Variants in EXOC4 observed in about 807,000 individuals in gnomAD.
The protein encoded by EXOC4 is exocyst complex component 4, also known as SEC8-like 1.
Under a neutral mutation model 107.2 loss-of-function variants are expected in EXOC4, and 71 were observed. The observed-to-expected ratio is 0.66, with a 90% CI of 0.55 to 0.81. The LOEUF (loss-of-function observed/expected upper bound fraction) is 0.81, where lower values mean the gene tolerates loss of function less well. Ranked by LOEUF, EXOC4 falls within the 30% of genes least tolerant of loss-of-function variation. The pLI is 0.00. For missense variants in EXOC4, 1,108 were observed against 1,189.6 expected (o/e 0.93, Z 1.01); for synonymous variants, 456 against 441.2 (o/e 1.03, Z -0.42).
downstream of EXOC4, among the ~76,000 whole-genome samples, chr7:134,069,918 A>G (rs1394825981): frequency 1.3e-5 from 2 of 152,192 alleles, no homozygotes; most frequent in African/African-American, 2.4e-5. Context: ...ACAGTAACCA[A>G]TGAGAGAGAC....
At chr7:133,712,410 G>A (rs1461167084) in intron 10 of EXOC4, among the ~76,000 whole-genome samples, 3 of 114,794 alleles carry the variant, frequency 2.6e-5, no homozygotes, top group African/African-American at 3.4e-5. Flanking sequence ...TTGCACTCCA[G>A]CCTGGGCAAC....
Position 134,056,318 on chromosome 7 carries a change from A to G in EXOC4, c.2688-7973A>G, listed in dbSNP as rs1032592991. Among the ~76,000 whole-genome samples, 14 of 152,348 alleles carry G rather than the reference A, an allele frequency of 9.2e-5. No individual in the cohort carries two copies. In the East Asian group the frequency reaches 2.7e-3, roughly 29 times the overall value. ...GACTCACCTTTTGATAATCAAAAGA[A>G]CATTTACAGAAGTATGAGACAAACA... On this transcript the variant is annotated intron_variant, in intron 17 of 17. Coordinates refer to ENST00000253861, the MANE Select transcript of EXOC4 (RefSeq NM_021807.4).
chr7:133,422,350 C>T (rs1294533254), intron 7 of EXOC4, among the ~76,000 whole-genome samples: 1 of 152,150 alleles, frequency 6.6e-6, no homozygotes, highest in Admixed American at 6.5e-5. Flanking sequence ...TGGGTGATTT[C>T]CATGTTTAAG....
chr7:134,069,614 C>G (rs1238899661), downstream of EXOC4, among the ~76,000 whole-genome samples: 8 of 152,182 alleles, frequency 5.3e-5, no homozygotes, highest in Admixed American at 3.9e-4. Context: ...TCTCACACCT[C>G]TGCCTCTCAA....
chr7:134,041,681 A>G lies in EXOC4; in HGVS notation c.2688-22610A>G, dbSNP rs534659575. On this transcript the variant is annotated intron_variant, in intron 17 of 17. Coordinates refer to ENST00000253861, the MANE Select transcript of EXOC4 (RefSeq NM_021807.4). The stretch of plus-strand genomic sequence containing the variant: ...ATTATAGAACTAATTAAAGATTTAG[A>G]TAAGTGCTGAGGGGGCTTATTGAAA... Among the ~76,000 whole-genome samples, 38 of 152,322 alleles carry G rather than the reference A, an allele frequency of 2.5e-4. No homozygotes were observed. The South Asian group carries it at 3.9e-3, about 16-fold the overall frequency.
intron 13 of EXOC4, among the ~76,000 whole-genome samples, chr7:133,926,456 G>C (rs531220474): frequency 2.0e-5 from 3 of 151,808 alleles, no homozygotes; most frequent in Admixed American, 6.6e-5. Flanking sequence ...TCTAGATTTT[G>C]TTATCATTGG....
At chr7:133,710,752 C>T (rs1248498383) in intron 10 of EXOC4, among the ~76,000 whole-genome samples, 1 of 151,112 alleles carries the variant, frequency 6.6e-6, no homozygotes, top group African/African-American at 2.4e-5. Context: ...AATATGCAGT[C>T]AGAGAGACAG....
intron 9 of EXOC4, among the ~76,000 whole-genome samples, chr7:133,518,495 ATAACT>A (rs970497012): frequency 9.2e-5 from 14 of 152,082 alleles, no homozygotes; most frequent in Admixed American, 5.9e-4. Context: ...TATAGAAGAA[ATAACT>A]TAAAAGAATT....
chr7:133,972,142 T>C (rs1313090507), intron 14 of EXOC4, among the ~76,000 whole-genome samples: 1 of 152,252 alleles, frequency 6.6e-6, no homozygotes, highest in South Asian at 2.1e-4. Context: ...GTTTTACAGA[T>C]GTAAAAACTG....
intron 11 of EXOC4, among the ~76,000 whole-genome samples, chr7:133,862,716 C>T (rs1309300252): frequency 6.6e-6 from 1 of 152,112 alleles, no homozygotes. Context: ...TACATATATA[C>T]TATATACATA....
intron 11 of EXOC4, among the ~76,000 whole-genome samples, chr7:133,849,209 G>A (rs1292848471): frequency 6.6e-6 from 1 of 152,112 alleles, no homozygotes; most frequent in Non-Finnish European, 1.5e-5. Context: ...TTGCTTGAGG[G>A]CAGGAGTTTG....
chr7:133,427,021 A>G (rs1222254255), intron 7 of EXOC4, among the ~76,000 whole-genome samples: 3 of 152,186 alleles, frequency 2.0e-5, no homozygotes, highest in Admixed American at 1.3e-4. Context: ...AAGGAACCTT[A>G]GCATCCAATG....
intron 7 of EXOC4, among the ~76,000 whole-genome samples, chr7:133,457,921 G>A (rs1351775710): frequency 6.6e-6 from 1 of 152,140 alleles, no homozygotes; most frequent in Admixed American, 6.5e-5. Flanking sequence ...TTCTTCTAAA[G>A]TGTGCTGTTG....
chr7:133,307,112 A>C (rs997150690), intron 4 of EXOC4, among the ~76,000 whole-genome samples: 1 of 152,228 alleles, frequency 6.6e-6, no homozygotes, highest in Non-Finnish European at 1.5e-5. Context: ...GAGCACTGGA[A>C]GCAGTGCACG....
chr7:133,296,509 A>T (rs1214052468), intron 3 of EXOC4, among the ~76,000 whole-genome samples: 1 of 152,044 alleles, frequency 6.6e-6, no homozygotes, highest in African/African-American at 2.4e-5. Flanking sequence ...GTTTTTTTAT[A>T]TCTACAATTA....
chr7:133,882,068 G>C (rs1245967358), intron 11 of EXOC4, among the ~76,000 whole-genome samples: 2 of 152,098 alleles, frequency 1.3e-5, no homozygotes, highest in African/African-American at 4.8e-5. Flanking sequence ...AGCTGTGCCT[G>C]ATCTTGACCT....
chr7:133,809,614 C>A (rs1022357086), intron 10 of EXOC4, among the ~76,000 whole-genome samples: 1 of 152,152 alleles, frequency 6.6e-6, no homozygotes, highest in Non-Finnish European at 1.5e-5. Context: ...GGATAAATCA[C>A]GCGTTTCTAT....
At chr7:133,329,802 A>G (rs1405689196) in intron 5 of EXOC4, among the ~76,000 whole-genome samples, 1 of 152,100 alleles carries the variant, frequency 6.6e-6, no homozygotes, top group Admixed American at 6.5e-5. Context: ...TGGAAGCTTC[A>G]TCTCAGAGGG....
chr7:133,479,992 T>G (rs1456411769), intron 8 of EXOC4, 58 bp from the exon 9 acceptor site: 2 of 1,323,618 alleles, frequency 1.5e-6, no homozygotes, highest in African/African-American at 2.9e-5. Context: ...AATACAGAGC[T>G]GGTCAGCACT....
Sources: gnomAD v4.1 joint callset for allele counts (sites outside exome capture counted in the v4.1 genomes callset) on GRCh38, gnomAD v4.1.1 for gene constraint, MANE v1.5 for transcripts, NCBI Gene and HGNC (gene_info 2026-07-23, HGNC 2026-07-21) for gene names.